LCK: variants seen among roughly 807,000 people sequenced by gnomAD.
LCK encodes tyrosine-protein kinase Lck.
In LCK, 14 loss-of-function variants were observed where a neutral mutation model predicts 64.6. The observed-to-expected ratio is 0.22, with a 90% CI of 0.14 to 0.34. LCK has a LOEUF of 0.34. Ranked by LOEUF, LCK falls within the 10% of genes least tolerant of loss-of-function variation. The pLI is 1.00. For missense variants in LCK, 434 were observed against 668.1 expected, an observed-to-expected ratio of 0.65 and a Z score of 3.86; for synonymous variants, 277 against 263.6, an observed-to-expected ratio of 1.05 and a Z score of -0.49.
intron 1 of LCK, among the ~76,000 whole-genome samples, chr1:32,272,771 G>T (rs1557581627): frequency 1.3e-5 from 2 of 151,076 alleles, no homozygotes; most frequent in East Asian, 1.9e-4. Context: ...TGTGTGTGGG[G>T]GTGTGTGGGG....
At chr1:32,257,232 CTTG>C (rs1429759852) in intron 1 of LCK, among the ~76,000 whole-genome samples, 3 of 149,362 alleles carry the variant, frequency 2.0e-5, no homozygotes, top group East Asian at 3.9e-4. Flanking sequence ...GCCAGTAAGT[CTTG>C]TTTTTTTTTT....
Position 32,279,594 on chromosome 1 carries a change from C to T in LCK, c.965-77C>T, listed in dbSNP as rs752401057. On this transcript the variant is annotated intron_variant, in intron 9 of 12. Transcript: ENST00000336890. ...TTCACATGTCAGACACACTTCTAGA[C>T]TCCCAGTTGGAGGAGAAAGGTCTGG... is the stretch of plus-strand genomic sequence containing the variant. The T allele has an allele frequency of 3.1e-6, 5 of 1,610,834 alleles. No homozygotes were observed. In the South Asian group the frequency reaches 3.3e-5, roughly 11 times the overall value.
intron 1 of LCK, among the ~76,000 whole-genome samples, chr1:32,271,175 A>AT (rs1230906539): frequency 6.7e-6 from 1 of 150,106 alleles, no homozygotes; most frequent in African/African-American, 2.5e-5. Flanking sequence ...TAATTTTTTG[A>AT]TTTTTTTTCT....
chr1:32,271,805 C>G (rs1308655482), intron 1 of LCK, among the ~76,000 whole-genome samples: 1 of 152,156 alleles, frequency 6.6e-6, no homozygotes, highest in Non-Finnish European at 1.5e-5. Context: ...GGCTTTCAGA[C>G]AAATAAACTA....
chr1:32,285,485 T>C (rs765293690), intron 12 of LCK, 29 bp from the exon 13 acceptor site: 3 of 1,607,128 alleles, frequency 1.9e-6, no homozygotes, highest in African/African-American at 1.3e-5. Context: ...GTGCCTGACC[T>C]TGATGTCCTT....
In LCK at chr1:32,275,220, C is replaced by A; in HGVS notation, c.279-101C>A. ...AAATTCGAGGCTCAGTATTGCTGAG[C>A]CAGGGTTGGGGGAGGCTGGCTTAAG... On this transcript the variant is annotated intron_variant, in intron 4 of 12. Transcript: ENST00000336890. This position sits in a 1 kb window ranked among gnomAD's most constrained non-coding sequence, Gnocchi z 6.9. The A allele has an allele frequency of 6.8e-7, 1 of 1,480,046 alleles. No individual in the cohort carries two copies. The highest frequency in any genetic ancestry group is 9.4e-7 in the Non-Finnish European group (1 of 1,062,648). The allele number at this position is 1,480,046 out of a possible 1,614,324, so 91.7% of individuals were successfully genotyped here. A position where few individuals can be genotyped will look rare whatever the true frequency, so the allele number is the denominator to read the frequency against.
intron 12 of LCK, among the ~76,000 whole-genome samples, chr1:32,282,695 A>T (rs978920147): frequency 2.6e-5 from 4 of 151,950 alleles, no homozygotes; most frequent in Non-Finnish European, 4.4e-5. Flanking sequence ...AGTCCCAGCC[A>T]CTCAAGAGGC....
intron 1 of LCK, among the ~76,000 whole-genome samples, chr1:32,255,733 G>C (rs537528012): frequency 1.6e-4 from 24 of 151,896 alleles, no homozygotes; most frequent in African/African-American, 5.6e-4. Context: ...GACGCTCTCT[G>C]TCTGCTTACT....
intron 1 of LCK, among the ~76,000 whole-genome samples, chr1:32,259,018 C>T (rs1428103883): frequency 3.4e-5 from 5 of 148,132 alleles, no homozygotes; most frequent in Admixed American, 2.7e-4. Context: ...AGTGAGATAC[C>T]ATCTCAAAAA....
At chr1:32,268,293 A>C (rs187221425) in intron 1 of LCK, among the ~76,000 whole-genome samples, 38 of 152,142 alleles carry the variant, frequency 2.5e-4, no homozygotes, top group South Asian at 4.1e-4. Context: ...AAAACTTAAA[A>C]AAATTTATTA....
At chr1:32,270,393 C>A (rs1351881567) in intron 1 of LCK, among the ~76,000 whole-genome samples, 1 of 151,626 alleles carries the variant, frequency 6.6e-6, no homozygotes, top group Admixed American at 6.6e-5. Context: ...CATGAGCCAC[C>A]GTGCCCAGCC....
At position 32,258,803 on chromosome 1, in the gene LCK, CAAAAAA is replaced by C. The variant is rs58703501; in HGVS notation, c.-6+7447_-6+7452del. ...TGGGCAACAGTGCGAGACTCCGTCT[CAAAAAA>C]AAAAAAAAAAAAAACCCAGCCTGTG... is the stretch of plus-strand genomic sequence containing the variant. On this transcript the variant is annotated intron_variant, in intron 1 of 12. Transcript: ENST00000336890. Among the ~76,000 whole-genome samples, 162 of 60,710 alleles carry C rather than the reference CAAAAAA, an allele frequency of 2.7e-3. 1 individual carries two copies. The highest frequency in any genetic ancestry group is 5.9e-3 in the Non-Finnish European group (151 of 25,446). The allele number at this position is 60,710 out of a possible 152,430, so 39.8% of individuals were successfully genotyped here. A position where few individuals can be genotyped will look rare whatever the true frequency, so the allele number is the denominator to read the frequency against.
chr1:32,275,193 C>A lies in LCK; in HGVS notation c.278+110C>A. On this transcript the variant is annotated intron_variant, in intron 4 of 12. Transcript: ENST00000336890. The surrounding 1 kb of genome is among the most constrained non-coding windows in gnomAD (Gnocchi z 6.9). ...CAGCTCGGGGTGGCCGCCCTTGGGA[C>A]AAAATTCGAGGCTCAGTATTGCTGA... 6.8e-7 allele frequency: 1 copy of A among 1,463,530 alleles called. No homozygotes were observed. The highest frequency in any genetic ancestry group is 1.2e-5 in the South Asian group (1 of 85,768). The allele number at this position is 1,463,530 out of a possible 1,614,324, so 90.7% of individuals were successfully genotyped here.
intron 1 of LCK, among the ~76,000 whole-genome samples, chr1:32,258,493 A>C (rs1639682829): frequency 6.6e-6 from 1 of 151,164 alleles, no homozygotes; most frequent in Admixed American, 6.6e-5. Context: ...AAAAAAAAAA[A>C]AAACCAGGCT....
chr1:32,272,932 G>C (rs1640145051), intron 1 of LCK, among the ~76,000 whole-genome samples: 1 of 148,658 alleles, frequency 6.7e-6, no homozygotes, highest in African/African-American at 2.5e-5. Context: ...GTGTATGAAT[G>C]TGTGTTGGGG....
chr1:32,282,888 G>C (rs1640504070), intron 12 of LCK, among the ~76,000 whole-genome samples: 1 of 152,086 alleles, frequency 6.6e-6, no homozygotes, highest in Non-Finnish European at 1.5e-5. Flanking sequence ...ATCCAAAGTG[G>C]ATCTGTGGGC....
chr1:32,281,483 A>G (rs1003433936), intron 12 of LCK, among the ~76,000 whole-genome samples: 101 of 151,660 alleles, frequency 6.7e-4, no homozygotes, highest in Admixed American at 6.6e-3. Context: ...AAGAAAAAGA[A>G]AAAGAAAAAA....
intron 1 of LCK, among the ~76,000 whole-genome samples, chr1:32,254,807 C>T (rs910209902): frequency 3.3e-5 from 5 of 152,126 alleles, no homozygotes; most frequent in African/African-American, 7.2e-5. Flanking sequence ...CCACCTCGCC[C>T]GGCTGTTTTT....
At chr1:32,279,484 G>A in intron 9 of LCK, 187 bp from the exon 10 acceptor site, 1 of 1,033,874 alleles carries the variant, frequency 9.7e-7, no homozygotes, top group South Asian at 1.6e-5. Context: ...CTCTACCCTA[G>A]CCCCTCTGCA....
Sources: gnomAD v4.1 joint callset for allele counts (sites outside exome capture counted in the v4.1 genomes callset) on GRCh38, gnomAD v4.1.1 for gene constraint, Gnocchi (gnomAD v3.1) non-coding constraint, MANE v1.5 for transcripts, NCBI Gene and HGNC (gene_info 2026-07-23, HGNC 2026-07-21) for gene names.